Variants in HERC2 observed in about 807,000 individuals in gnomAD.
The protein encoded by HERC2 is E3 ubiquitin-protein ligase HERC2.
HERC2 carries 102 observed loss-of-function variants against 537.7 expected under a neutral mutation model. That is an observed-to-expected ratio of 0.19 (90% CI 0.16 to 0.22). The LOEUF (loss-of-function observed/expected upper bound fraction) is 0.22, where lower values mean the gene tolerates loss of function less well. Among genes scored for constraint, HERC2 ranks in the 10% least tolerant of loss-of-function variants. The pLI is 1.00. For synonymous variants in HERC2, 2,224 were observed against 2,466.2 expected, an observed-to-expected ratio of 0.90 and a Z score of 2.91; for missense variants, 4,236 against 6,198.2, an observed-to-expected ratio of 0.68 and a Z score of 10.63.
In HERC2 at chr15:28,176,811, G is replaced by A. The variant is rs373057870; in HGVS notation, c.9433-43C>T. The A allele has an allele frequency of 1.2e-5, 19 of 1,596,808 alleles. No homozygotes were observed. The highest frequency in any genetic ancestry group is 6.7e-5 in the East Asian group (3 of 44,794). ...TAAAAACAGAATCACGCACAGGCACGGAGAAAGCAATGGATTTTCCCACAG... is the reference window on the plus strand; with the variant it reads ...TAAAAACAGAATCACGCACAGGCACAGAGAAAGCAATGGATTTTCCCACAG... On this transcript the variant is annotated intron_variant, in intron 61 of 92. Coordinates refer to ENST00000261609, the MANE Select transcript of HERC2 (RefSeq NM_004667.6). This position sits in a 1 kb window ranked among gnomAD's most constrained non-coding sequence, Gnocchi z 5.0.
At chr15:28,220,178 G>A (rs940931967) in intron 37 of HERC2, among the ~76,000 whole-genome samples, 20 of 152,304 alleles carry the variant, frequency 1.3e-4, no homozygotes, top group African/African-American at 3.6e-4. Context: ...AGCTGCCCCG[G>A]CCTGGCCACC....
At chr15:28,267,561 C>G (rs1282868087) in intron 12 of HERC2, among the ~76,000 whole-genome samples, 3 of 152,346 alleles carry the variant, frequency 2.0e-5, no homozygotes, top group Middle Eastern at 3.4e-3. Context: ...GGAGATCAAT[C>G]TTTTCTTTTT....
intron 44 of HERC2, among the ~76,000 whole-genome samples, chr15:28,210,127 AT>A (rs879879955): frequency 7.1e-6 from 1 of 141,760 alleles, no homozygotes. Flanking sequence ...ATGCCCCACT[AT>A]TTTTTTTTAT....
chr15:28,318,211 T>C (rs2077140435), intron 2 of HERC2, among the ~76,000 whole-genome samples: 1 of 152,198 alleles, frequency 6.6e-6, no homozygotes, highest in Non-Finnish European at 1.5e-5. Flanking sequence ...AGATTACAAG[T>C]ACTTTCACTG....
intron 17 of HERC2, 66 bp downstream of exon 17, chr15:28,256,995 A>C: frequency 2.1e-6 from 3 of 1,403,784 alleles, no homozygotes; most frequent in Non-Finnish European, 3.0e-6. Context: ...TTCAAAATAC[A>C]TAAACCTTCT....
At chr15:28,313,885 A>G (rs1442192671) in intron 2 of HERC2, among the ~76,000 whole-genome samples, 3 of 152,156 alleles carry the variant, frequency 2.0e-5, no homozygotes, top group Admixed American at 1.3e-4. Context: ...GAGACTGAGA[A>G]GCAAAACGGA....
rs8036271 is a variant in HERC2 at position 28,194,480 on chromosome 15, G to A, written c.8260+1735C>T. 2.8e-3 allele frequency among the ~76,000 whole-genome samples: 426 copies of A among 151,724 alleles called. 3 individuals carry two copies. The highest frequency in any genetic ancestry group is 9.7e-3 in the African/African-American group (403 of 41,476). On this transcript the variant is annotated intron_variant, in intron 52 of 92. Coordinates refer to ENST00000261609, the MANE Select transcript of HERC2 (RefSeq NM_004667.6). ...AGCTACTCGGGAGGCTGAAGCGGGAGAATGGCATGAACCCGGGAAGCGGAG... is the reference window on the plus strand; with the variant it reads ...AGCTACTCGGGAGGCTGAAGCGGGAAAATGGCATGAACCCGGGAAGCGGAG...
At chr15:28,126,050 T>C (rs1222255189) in intron 83 of HERC2, among the ~76,000 whole-genome samples, 2 of 152,166 alleles carry the variant, frequency 1.3e-5, no homozygotes, top group Non-Finnish European at 1.5e-5. Context: ...GACTTGGTGA[T>C]CCACCTGAAA....
In HERC2 at chr15:28,260,983, A is replaced by AG; in HGVS notation, c.2123-14dup. On this transcript the variant is annotated splice_polypyrimidine_tract_variant and intron_variant, in intron 15 of 92. Coordinates refer to ENST00000261609, the MANE Select transcript of HERC2 (RefSeq NM_004667.6). ...ATCACCTTCTTCCCTACAAGGGAAG[A>AG]GGGATGCAGATGCAGCTTCAAGCCT... 6.2e-7 allele frequency: 1 copy of AG among 1,604,022 alleles called. No individual in the cohort carries two copies. Among genetic ancestry groups the AG allele is most frequent in the Non-Finnish European group, 8.5e-7 (1 of 1,172,762 alleles).
chr15:28,235,836 C>A (rs1306167751), intron 26 of HERC2, among the ~76,000 whole-genome samples: 1 of 152,150 alleles, frequency 6.6e-6, no homozygotes, highest in Non-Finnish European at 1.5e-5. Context: ...CACCAGGCAA[C>A]TGTTCAACAG....
At chr15:28,208,948 G>C (rs543215131) in intron 44 of HERC2, among the ~76,000 whole-genome samples, 11 of 152,310 alleles carry the variant, frequency 7.2e-5, no homozygotes, top group Admixed American at 5.2e-4. Context: ...TCCCCGAAAA[G>C]ACTTAGCATA....
At chr15:28,133,125 C>T (rs1380145195) in intron 79 of HERC2, among the ~76,000 whole-genome samples, 1 of 148,762 alleles carries the variant, frequency 6.7e-6, no homozygotes, top group Non-Finnish European at 1.5e-5. Flanking sequence ...ACAGGTTTTA[C>T]ATTTTAACGG....
intron 57 of HERC2, 128 bp from the exon 58 acceptor site, chr15:28,179,351 C>A: frequency 2.7e-6 from 2 of 731,280 alleles, no homozygotes; most frequent in Non-Finnish European, 4.5e-6. Flanking sequence ...CACTCAACCA[C>A]AGGCTACATA....
intron 71 of HERC2, among the ~76,000 whole-genome samples, chr15:28,145,676 C>T (rs1370147372): frequency 6.6e-6 from 1 of 152,150 alleles, no homozygotes; most frequent in Non-Finnish European, 1.5e-5. Context: ...AGGAAACACT[C>T]GAGATGAAGG....
At chr15:28,262,875 G>A in intron 15 of HERC2, 43 bp downstream of exon 15, 1 of 1,573,400 alleles carries the variant, frequency 6.4e-7, no homozygotes, top group Non-Finnish European at 8.6e-7. Context: ...CATTACTAAA[G>A]AAACTGTCCT....
intron 4 of HERC2, among the ~76,000 whole-genome samples, chr15:28,292,663 G>A (rs562741175): frequency 5.3e-4 from 80 of 152,228 alleles, no homozygotes; most frequent in African/African-American, 1.9e-3. Context: ...TTAGTCAAGC[G>A]TGATGGCTGG....
intron 5 of HERC2, among the ~76,000 whole-genome samples, chr15:28,275,900 C>A: frequency 6.6e-6 from 1 of 151,964 alleles, no homozygotes. Context: ...TACAGTATTG[C>A]TACTATAAAC....
Position 28,179,007 on chromosome 15 carries a change from C to T in HERC2, c.9043G>A (p.Ala3015Thr). The part of the protein sequence containing the change: ...FAVTVEGKVY[A>T]CGEATNGRLG... ...CGGCCATTCGTGGCTTCTCCACAGG[C>T]ATACACCTTCCCTTCCACAGTCACT... The change falls in exon 59 of 93, where the codon GCC (alanine) becomes ACC (threonine). Residue 3015 changes from alanine to threonine, a missense_variant. By Grantham distance (58) the Ala-to-Thr change is moderately conservative. Coordinates refer to ENST00000261609, the MANE Select transcript of HERC2 (RefSeq NM_004667.6). 6.2e-7 allele frequency: 1 copy of T among 1,614,150 alleles called. No individual in the cohort carries two copies. Among genetic ancestry groups the T allele is most frequent in the Non-Finnish European group, 8.5e-7 (1 of 1,179,978 alleles).
intron 10 of HERC2, among the ~76,000 whole-genome samples, chr15:28,270,120 C>T (rs2075676969): frequency 6.6e-6 from 1 of 152,068 alleles, no homozygotes; most frequent in South Asian, 2.1e-4. Context: ...TGCCACCATG[C>T]CCAGCTAATT....
Sources: gnomAD v4.1 joint callset for allele counts (sites outside exome capture counted in the v4.1 genomes callset) on GRCh38, gnomAD v4.1.1 for gene constraint, Gnocchi (gnomAD v3.1) non-coding constraint, MANE v1.5 for transcripts, NCBI Gene and HGNC (gene_info 2026-07-23, HGNC 2026-07-21) for gene names.